Variants in DNAJC17 observed in about 807,000 individuals in gnomAD.
The protein encoded by DNAJC17 is DnaJ heat shock protein family (Hsp40) member C17, also known as dnaJ homolog subfamily C member 17.
A neutral mutation model predicts 48.1 loss-of-function variants in DNAJC17; 35 were observed. The ratio of observed to expected loss-of-function variants is 0.73; its 90% CI spans 0.56 to 0.96. DNAJC17 has a LOEUF of 0.96. Among genes scored for constraint, DNAJC17 ranks in the 50% least tolerant of loss-of-function variants. DNAJC17 has a pLI of 0.00. For missense variants in DNAJC17, 355 were observed against 377.1 expected (o/e 0.94, Z 0.48); for synonymous variants, 117 against 142.7 (o/e 0.82, Z 1.28).
At chr15:40,768,650 C>T (rs1889028610) in intron 10 of DNAJC17, among the ~76,000 whole-genome samples, 1 of 152,216 alleles carries the variant, frequency 6.6e-6, no homozygotes, top group Non-Finnish European at 1.5e-5. Flanking sequence ...CACACCAGGG[C>T]TCCTGGAGGG....
intron 10 of DNAJC17, chr15:40,771,774 G>A (rs1889147985): frequency 1.2e-5 from 2 of 167,252 alleles, no homozygotes; most frequent in Non-Finnish European, 1.5e-5. Flanking sequence ...GCGCTGTCTA[G>A]ACCATGGCCT....
In DNAJC17 at chr15:40,766,433, AC is replaced by A. The variant is rs1233364806; in HGVS notation, c.*1506del. ...GACTACTGCTTCCATTCCTCCTCTC[AC>A]CCCTGGAGGCAGGGAGAACCCAAGC... On this transcript the variant is annotated 3_prime_UTR_variant, in exon 11 of 11. Coordinates refer to ENST00000220496, the MANE Select transcript of DNAJC17 (RefSeq NM_018163.3). 2.0e-5 allele frequency: 3 copies of A among 151,920 alleles called. No individual in the cohort carries two copies. Among genetic ancestry groups the A allele is most frequent in the Non-Finnish European group, 4.4e-5 (3 of 68,016 alleles). The allele number at this position is 151,920 out of a possible 1,614,324, so 9.4% of individuals were successfully genotyped here. A position where few individuals can be genotyped will look rare whatever the true frequency, so the allele number is the denominator to read the frequency against.
Position 40,773,739 on chromosome 15 carries a change from T to G in DNAJC17, c.780A>C (p.Ser260=). 1 of 1,613,786 alleles carries G rather than the reference T, an allele frequency of 6.2e-7. No homozygotes were observed. The highest frequency in any genetic ancestry group is 8.5e-7 in the Non-Finnish European group (1 of 1,179,872). Residue 260 remains serine, a synonymous_variant, in exon 10 of 11, where the codon TCA becomes TCC. Transcript: ENST00000220496. Reference sequence around the variant, plus strand: ...CCTGACTCCTCACCTTTGACAGTCCTGAGTGGCTGCGGCCCACGGCATCCT... The same window carrying G: ...CCTGACTCCTCACCTTTGACAGTCCGGAGTGGCTGCGGCCCACGGCATCCT... ...QPQDAVGRSH[S]GLSKGSVLSE... is the part of the protein sequence containing the mutation.
At chr15:40,805,599 T>C (rs1480106788) in intron 1 of DNAJC17, among the ~76,000 whole-genome samples, 1 of 143,968 alleles carries the variant, frequency 6.9e-6, no homozygotes, top group African/African-American at 2.6e-5. Context: ...TCCCAGCACT[T>C]TGGGAGGCTG....
At chr15:40,803,030 G>C (rs1200665927) in intron 1 of DNAJC17, among the ~76,000 whole-genome samples, 1 of 151,160 alleles carries the variant, frequency 6.6e-6, no homozygotes, top group Non-Finnish European at 1.5e-5. Flanking sequence ...TTGAGCCCAG[G>C]AGGCAGAGTT....
rs775896258 is a variant in DNAJC17, at chr15:40,767,932, A to G, written c.*8T>C. 1 of 1,611,580 alleles carries G rather than the reference A, an allele frequency of 6.2e-7. No homozygotes were observed. Among genetic ancestry groups the G allele is most frequent in the Non-Finnish European group, 8.5e-7 (1 of 1,179,310 alleles). On this transcript the variant is annotated 3_prime_UTR_variant, in exon 11 of 11. Transcript: ENST00000220496. ...AAAGGGCTGAGGGGTGGATGGCTGG[A>G]GCTGGGGCTACGTAGGCGGCCCCTC...
chr15:40,806,209 A>AT (rs1042617860), intron 1 of DNAJC17, among the ~76,000 whole-genome samples: 6 of 131,542 alleles, frequency 4.6e-5, no homozygotes, highest in Non-Finnish European at 8.0e-5. Context: ...AGTGGGCACT[A>AT]TTTTTTTTTC....
At chr15:40,789,181 G>A (rs1889726527) in intron 1 of DNAJC17, among the ~76,000 whole-genome samples, 1 of 152,136 alleles carries the variant, frequency 6.6e-6, no homozygotes, top group Admixed American at 6.5e-5. Context: ...CTCAGAACAG[G>A]GGCCTGTGCC....
At chr15:40,786,245 G>A (rs1889638129) in intron 1 of DNAJC17, among the ~76,000 whole-genome samples, 1 of 151,510 alleles carries the variant, frequency 6.6e-6, no homozygotes. Context: ...TCACAAAATT[G>A]GGAAGGAGAG....
intron 1 of DNAJC17, among the ~76,000 whole-genome samples, chr15:40,783,165 C>T (rs1239908223): frequency 6.6e-6 from 1 of 152,134 alleles, no homozygotes; most frequent in African/African-American, 2.4e-5. Flanking sequence ...TGCCTCCAGC[C>T]TCATTCCTTT....
chr15:40,774,240 T>A, intron 9 of DNAJC17, 116 bp downstream of exon 9: 1 of 1,195,604 alleles, frequency 8.4e-7, no homozygotes, highest in Non-Finnish European at 1.2e-6. Context: ...GGCTCTAAGC[T>A]GGCCTGGAGA....
intron 1 of DNAJC17, among the ~76,000 whole-genome samples, chr15:40,797,863 A>G (rs1387525282): frequency 1.3e-5 from 2 of 151,466 alleles, no homozygotes; most frequent in African/African-American, 4.9e-5. Context: ...GTGGGATTAC[A>G]GGCACCCACC....
At chr15:40,778,981 T>G (rs1282415226) in intron 4 of DNAJC17, 2 of 520,272 alleles carry the variant, frequency 3.8e-6, no homozygotes, top group African/African-American at 1.9e-5. Context: ...CTTCCTTGTA[T>G]AGTTATGATA....
chr15:40,783,787 C>T (rs1024713947), intron 1 of DNAJC17, among the ~76,000 whole-genome samples: 13 of 152,088 alleles, frequency 8.5e-5, no homozygotes, highest in South Asian at 6.2e-4. Flanking sequence ...CACTTGATTC[C>T]GGGGGGCAGA....
rs939545885 is a variant in DNAJC17 at position 40,769,661 on chromosome 15, A to C, written c.793-1599T>G. ...CTCTTCCTTCCCCAACAATCGTTCC[A>C]CACGCCTGCCTTTCAATTAACTCCC... On this transcript the variant is annotated intron_variant, in intron 10 of 10. Transcript: ENST00000220496. The surrounding 1 kb of genome is among the most constrained non-coding windows in gnomAD (Gnocchi z 4.2). Among the ~76,000 whole-genome samples, 7 of 152,104 alleles carry C rather than the reference A, an allele frequency of 4.6e-5. No individual in the cohort carries two copies. The highest frequency in any genetic ancestry group is 4.6e-4 in the Admixed American group (7 of 15,280).
At position 40,773,726 on chromosome 15, in the gene DNAJC17, C is replaced by G; in HGVS notation, c.792+1G>C. 6.2e-7 allele frequency: 1 copy of G among 1,612,998 alleles called. No homozygotes were observed. Among genetic ancestry groups the G allele is most frequent in the Non-Finnish European group, 8.5e-7 (1 of 1,179,436 alleles). On this transcript the variant is annotated splice_donor_variant, in intron 10 of 10. Transcript: ENST00000220496. LOFTEE classifies it high-confidence loss of function. The stretch of plus-strand genomic sequence containing the variant: ...CAGCCGGGCGAGGCCTGACTCCTCA[C>G]CTTTGACAGTCCTGAGTGGCTGCGG...
intron 5 of DNAJC17, 53 bp from the exon 6 acceptor site, chr15:40,776,345 G>A (rs767285910): frequency 1.4e-5 from 22 of 1,578,134 alleles, no homozygotes; most frequent in Middle Eastern, 1.7e-4. Context: ...ATTCCAGGCT[G>A]GCTCACCTTG....
At chr15:40,791,469 A>G (rs1889803774) in intron 1 of DNAJC17, among the ~76,000 whole-genome samples, 1 of 152,106 alleles carries the variant, frequency 6.6e-6, no homozygotes. Flanking sequence ...GGGAGGTTGC[A>G]GTGAGCCAAG....
Position 40,774,542 on chromosome 15 carries a change from G to T in DNAJC17, c.601-106C>A. The stretch of plus-strand genomic sequence containing the variant: ...CCTTGAGGCCCATGGGGCATTTTCA[G>T]TTGGGAGATAACTTCTTGCCCCACC... On this transcript the variant is annotated intron_variant, in intron 8 of 10. Transcript: ENST00000220496. 5.6e-6 allele frequency: 7 copies of T among 1,240,928 alleles called. No homozygotes were observed. The African/African-American group carries it at 7.5e-5, about 13-fold the overall frequency. The allele number at this position is 1,240,928 out of a possible 1,614,324, so 76.9% of individuals were successfully genotyped here.
Sources: gnomAD v4.1 joint callset for allele counts (sites outside exome capture counted in the v4.1 genomes callset) on GRCh38, gnomAD v4.1.1 for gene constraint, Gnocchi (gnomAD v3.1) non-coding constraint, MANE v1.5 for transcripts, NCBI Gene and HGNC (gene_info 2026-07-23, HGNC 2026-07-21) for gene names.